The following UNC13C variants were observed in gnomAD, a reference collection of about 807,000 sequenced individuals.
UNC13C encodes protein unc-13 homolog C.
Under a neutral mutation model 245.4 loss-of-function variants are expected in UNC13C, and 174 were observed. That is an observed-to-expected ratio of 0.71 (90% CI 0.63 to 0.80). The LOEUF (loss-of-function observed/expected upper bound fraction) is 0.80, where lower values mean the gene tolerates loss of function less well. Among genes scored for constraint, UNC13C ranks in the 30% least tolerant of loss-of-function variants. The pLI is 0.00. For synonymous variants in UNC13C, 992 were observed against 895.1 expected (o/e 1.11, Z -1.93); for missense variants, 2,829 against 2,602.9 (o/e 1.09, Z -1.89).
At chr15:53,845,529 G>A in the UNC13C span, among the ~76,000 whole-genome samples, 1 of 152,046 alleles carries the variant, frequency 6.6e-6, no homozygotes, top group Admixed American at 6.6e-5. Context: ...TAATACCACA[G>A]CATATTATTT....
chr15:54,619,069 A>G (rs28501146), intron 30 of UNC13C, among the ~76,000 whole-genome samples: 1,583 of 152,236 alleles, frequency 0.01, 25 homozygotes, highest in African/African-American at 0.035. Flanking sequence ...AGTAAGGGGC[A>G]AGCAGCTTTT....
chr15:54,552,159 A>G (rs1896764991), intron 28 of UNC13C, among the ~76,000 whole-genome samples: 1 of 147,472 alleles, frequency 6.8e-6, no homozygotes, highest in Non-Finnish European at 1.5e-5. Context: ...GGATTATTCC[A>G]TTAAACATGT....
In UNC13C at chr15:54,094,703, G is replaced by T. The variant is rs555515518; in HGVS notation, c.2984-48315G>T. 2.6e-5 allele frequency among the ~76,000 whole-genome samples: 4 copies of T among 152,022 alleles called. No individual in the cohort carries two copies. In the East Asian group the frequency reaches 7.7e-4, roughly 29 times the overall value. On this transcript the variant is annotated intron_variant, in intron 2 of 32. Coordinates refer to ENST00000260323, the MANE Select transcript of UNC13C (RefSeq NM_001080534.3). ...AAAGTCTTAGTTCATCAATTAAAGC[G>T]CTCACTCCTATAAAATAAACAAAAA... is the stretch of plus-strand genomic sequence containing the variant.
chr15:54,422,042 T>C (rs1289342074), intron 19 of UNC13C, among the ~76,000 whole-genome samples: 1 of 152,090 alleles, frequency 6.6e-6, no homozygotes, highest in African/African-American at 2.4e-5. Context: ...CTAACTTAAA[T>C]GTTTAAAGTA....
chr15:54,587,192 A>T (rs186560068), intron 30 of UNC13C, among the ~76,000 whole-genome samples: 2 of 152,226 alleles, frequency 1.3e-5, no homozygotes, highest in Admixed American at 6.5e-5. Context: ...AGGTGAAATG[A>T]CAGAATTTTA....
At chr15:54,339,364 T>G (rs965177115) in intron 17 of UNC13C, among the ~76,000 whole-genome samples, 2 of 152,092 alleles carry the variant, frequency 1.3e-5, no homozygotes, top group Non-Finnish European at 2.9e-5. Flanking sequence ...GGTGCACCCA[T>G]CACCCAAGCA....
the UNC13C span, among the ~76,000 whole-genome samples, chr15:53,892,062 C>G: frequency 6.6e-6 from 1 of 151,634 alleles, no homozygotes; most frequent in Non-Finnish European, 1.5e-5. Context: ...AGCCTTACAC[C>G]ACCACCAGGT....
At chr15:54,620,258 T>C (rs188953862) in intron 30 of UNC13C, among the ~76,000 whole-genome samples, 537 of 152,110 alleles carry the variant, frequency 3.5e-3, no homozygotes, top group Admixed American at 6.5e-3. Context: ...CAATAACTGA[T>C]TGAAAAACAC....
chr15:54,181,810 C>T (rs917552531), intron 4 of UNC13C, among the ~76,000 whole-genome samples: 2 of 151,730 alleles, frequency 1.3e-5, no homozygotes, highest in Admixed American at 6.6e-5. Context: ...AATGGTATTG[C>T]ACTCTTGATT....
intron 2 of UNC13C, among the ~76,000 whole-genome samples, chr15:54,058,224 TAAAG>T (rs1897633231): frequency 6.6e-6 from 1 of 151,272 alleles, no homozygotes; most frequent in Admixed American, 6.6e-5. Context: ...GCAAGACTAA[TAAAG>T]AAGAAAAGAG....
chr15:53,879,450 A>G, the UNC13C span, among the ~76,000 whole-genome samples: 85 of 152,328 alleles, frequency 5.6e-4, no homozygotes, highest in East Asian at 2.5e-3. Context: ...GGGGTGAGCT[A>G]CTATACCCAG....
Position 54,066,506 on chromosome 15 carries a change from CAGAG to C in UNC13C, c.2983+50623_2983+50626del, listed in dbSNP as rs144255738. Among the ~76,000 whole-genome samples, 1,237 of 152,276 alleles carry C rather than the reference CAGAG, an allele frequency of 8.1e-3. 24 individuals carry two copies. The highest frequency in any genetic ancestry group is 0.028 in the African/African-American group (1,168 of 41,532). ...TCATCTGTGCACTTATGTGAAAACA[CAGAG>C]AGGTGCTATAGGCCAAGGATTTCAT... On this transcript the variant is annotated intron_variant, in intron 2 of 32. Transcript: ENST00000260323.
chr15:54,584,061 C>T lies in UNC13C; in HGVS notation c.6106+16114C>T, dbSNP rs918601718. 8.5e-5 allele frequency among the ~76,000 whole-genome samples: 13 copies of T among 152,256 alleles called. No homozygotes were observed. In the East Asian group the frequency reaches 1.6e-3, roughly 18 times the overall value. ...AAGTAAGAGATTTCTTCTGTTCCTGCGTTTTGGTTTCACCTCCTCCTTGTG... is the reference window on the plus strand; with the variant it reads ...AAGTAAGAGATTTCTTCTGTTCCTGTGTTTTGGTTTCACCTCCTCCTTGTG... On this transcript the variant is annotated intron_variant, in intron 30 of 32. Transcript: ENST00000260323.
At chr15:54,147,410 G>A (rs973296660) in intron 4 of UNC13C, among the ~76,000 whole-genome samples, 11 of 151,862 alleles carry the variant, frequency 7.2e-5, no homozygotes, top group South Asian at 2.1e-4. Context: ...TAGTAGAGAC[G>A]GGGTTTCACC....
At chr15:54,247,949 A>G (rs897610199) in intron 7 of UNC13C, among the ~76,000 whole-genome samples, 3 of 152,102 alleles carry the variant, frequency 2.0e-5, no homozygotes, top group African/African-American at 7.2e-5. Context: ...TATTACTCCT[A>G]CTATAATCTA....
At chr15:54,027,201 A>T in intron 2 of UNC13C, among the ~76,000 whole-genome samples, 1 of 151,990 alleles carries the variant, frequency 6.6e-6, no homozygotes, top group East Asian at 1.9e-4. Flanking sequence ...AAAACAGGAA[A>T]AGCATGTAAG....
intron 4 of UNC13C, among the ~76,000 whole-genome samples, chr15:54,179,551 A>C (rs2033728483): frequency 6.6e-6 from 1 of 152,108 alleles, no homozygotes; most frequent in African/African-American, 2.4e-5. Flanking sequence ...TATAAATATA[A>C]TTAGAGATAG....
intron 29 of UNC13C, among the ~76,000 whole-genome samples, chr15:54,565,895 T>A (rs1191782614): frequency 2.0e-5 from 3 of 151,976 alleles, no homozygotes; most frequent in Non-Finnish European, 4.4e-5. Flanking sequence ...TCCCCAGAAG[T>A]GGCAAATTTT....
At chr15:54,421,100 A>G (rs1304287355) in intron 19 of UNC13C, among the ~76,000 whole-genome samples, 1 of 152,020 alleles carries the variant, frequency 6.6e-6, no homozygotes, top group Non-Finnish European at 1.5e-5. Flanking sequence ...GATCCCCACA[A>G]CAAGCCTATG....
Sources: gnomAD v4.1 joint callset for allele counts (sites outside exome capture counted in the v4.1 genomes callset) on GRCh38, gnomAD v4.1.1 for gene constraint, MANE v1.5 for transcripts, NCBI Gene and HGNC (gene_info 2026-07-23, HGNC 2026-07-21) for gene names.